RBFOX1: variants seen among roughly 807,000 people sequenced by gnomAD.
RBFOX1 encodes the protein RNA binding protein fox-1 homolog 1.
Under a neutral mutation model 57.7 loss-of-function variants are expected in RBFOX1, and 8 were observed. The observed-to-expected ratio is 0.14, with a 90% CI of 0.08 to 0.25. RBFOX1 has a LOEUF of 0.25. RBFOX1 is among the 10% of genes least tolerant of loss of function. The probability of loss-of-function intolerance (pLI) is 1.00; values close to 1 mark genes in which losing one functional copy is unlikely to be tolerated. For synonymous variants in RBFOX1, 326 were observed against 222.4 expected (o/e 1.47, Z -4.15); for missense variants, 611 against 548.5 (o/e 1.11, Z -1.14).
intron 3 of RBFOX1, among the ~76,000 whole-genome samples, chr16:6,924,720 G>A (rs566321651): frequency 1.6e-3 from 236 of 151,090 alleles, no homozygotes; most frequent in Non-Finnish European, 2.2e-3. Context: ...TAGGGTACAT[G>A]TGCACAACGT....
In RBFOX1 at chr16:7,107,006, C is replaced by T. The variant is rs866947263; in HGVS notation, c.27+54908C>T. 4.7e-3 allele frequency among the ~76,000 whole-genome samples: 707 copies of T among 151,930 alleles called. 7 individuals carry two copies. Among genetic ancestry groups the T allele is most frequent in the African/African-American group, 0.016 (675 of 41,420 alleles). On this transcript the variant is annotated intron_variant, in intron 4 of 15. Transcript: ENST00000550418. ...TAAAACACACACACACACACACACA[C>T]ACTAAATGAACAAATGCATAATTGC...
intron 1 of RBFOX1, among the ~76,000 whole-genome samples, chr16:6,103,065 C>A (rs757535602): frequency 2.0e-5 from 3 of 152,218 alleles, no homozygotes; most frequent in South Asian, 4.2e-4. Context: ...AAATATAGAT[C>A]GAAGTTGGAC....
chr16:7,651,265 G>T (rs773963660), intron 11 of RBFOX1, among the ~76,000 whole-genome samples: 1 of 152,102 alleles, frequency 6.6e-6, no homozygotes, highest in Admixed American at 6.5e-5. Context: ...CACTTTGGTC[G>T]GGTTCGGGGG....
At chr16:6,544,080 C>T (rs966096354) in intron 2 of RBFOX1, among the ~76,000 whole-genome samples, 4 of 152,166 alleles carry the variant, frequency 2.6e-5, no homozygotes, top group African/African-American at 9.7e-5. Context: ...GCCATCTGGC[C>T]CATGAGCTGT....
At chr16:7,569,624 T>G (rs12445934) in intron 5 of RBFOX1, among the ~76,000 whole-genome samples, 59,096 of 152,068 alleles carry the variant, frequency 0.39, 11,883 homozygotes, top group South Asian at 0.53. Flanking sequence ...AGATTCCAGG[T>G]ATTAGAACCT....
chr16:6,093,602 G>A (rs79375533), intron 1 of RBFOX1, among the ~76,000 whole-genome samples: 2,455 of 151,990 alleles, frequency 0.016, 27 homozygotes, highest in Non-Finnish European at 0.026. Flanking sequence ...GGCATGGGAC[G>A]GTCTGTGAAT....
chr16:7,702,011 T>C (rs1041049245), intron 14 of RBFOX1, among the ~76,000 whole-genome samples: 1 of 152,176 alleles, frequency 6.6e-6, no homozygotes, highest in Non-Finnish European at 1.5e-5. Context: ...ACCTGTTGTC[T>C]CTCCATGTAC....
intron 2 of RBFOX1, among the ~76,000 whole-genome samples, chr16:5,585,733 T>A (rs186589382): frequency 3.9e-5 from 6 of 152,372 alleles, no homozygotes; most frequent in African/African-American, 1.2e-4. Flanking sequence ...GGTGTAGACC[T>A]GGGTTTACCA....
At chr16:6,678,915 C>T (rs1403418062) in intron 3 of RBFOX1, among the ~76,000 whole-genome samples, 1 of 152,020 alleles carries the variant, frequency 6.6e-6, no homozygotes, top group Non-Finnish European at 1.5e-5. Context: ...TACATGAAGC[C>T]ATTTGGGGTG....
intron 4 of RBFOX1, among the ~76,000 whole-genome samples, chr16:7,210,197 C>A (rs2090847730): frequency 6.6e-6 from 1 of 152,196 alleles, no homozygotes; most frequent in African/African-American, 2.4e-5. Flanking sequence ...ACAAGAAACA[C>A]AACCAATAGG....
intron 1 of RBFOX1, among the ~76,000 whole-genome samples, chr16:6,222,970 G>A (rs2097386562): frequency 6.6e-6 from 1 of 150,930 alleles, no homozygotes; most frequent in South Asian, 2.1e-4. Flanking sequence ...TTGTCCTTGC[G>A]ATAGTTTACT....
At chr16:5,825,430 T>C (rs1425904850) in intron 3 of RBFOX1, among the ~76,000 whole-genome samples, 2 of 152,222 alleles carry the variant, frequency 1.3e-5, no homozygotes, top group Non-Finnish European at 2.9e-5. Flanking sequence ...AGTCACCTAC[T>C]ATAAGGTTCG....
chr16:5,685,941 G>T (rs1162543769), intron 3 of RBFOX1, among the ~76,000 whole-genome samples: 1 of 152,200 alleles, frequency 6.6e-6, no homozygotes, highest in Non-Finnish European at 1.5e-5. Context: ...TAACCTAGAT[G>T]CCACTTAATG....
intron 3 of RBFOX1, among the ~76,000 whole-genome samples, chr16:5,712,340 A>G (rs1333226992): frequency 6.6e-6 from 1 of 152,194 alleles, no homozygotes; most frequent in African/African-American, 2.4e-5. Flanking sequence ...GAGATTAGAA[A>G]TATTATATTT....
intron 3 of RBFOX1, among the ~76,000 whole-genome samples, chr16:5,788,188 A>T (rs2054572472): frequency 6.6e-6 from 1 of 152,158 alleles, no homozygotes; most frequent in South Asian, 2.1e-4. Flanking sequence ...CATCCTGAAT[A>T]TCTGCTGTTG....
intron 4 of RBFOX1, among the ~76,000 whole-genome samples, chr16:7,374,340 C>T (rs1464568736): frequency 2.0e-5 from 3 of 152,172 alleles, no homozygotes; most frequent in Non-Finnish European, 4.4e-5. Context: ...CAGATAAACA[C>T]TAAATAAATA....
chr16:5,688,300 T>A (rs543828203), intron 3 of RBFOX1, among the ~76,000 whole-genome samples: 1 of 152,322 alleles, frequency 6.6e-6, no homozygotes, highest in African/African-American at 2.4e-5. Context: ...GAAATGATCC[T>A]TAAGAAAAAA....
chr16:7,134,490 C>T (rs1156421123), intron 4 of RBFOX1, among the ~76,000 whole-genome samples: 2 of 152,128 alleles, frequency 1.3e-5, no homozygotes, highest in Admixed American at 1.3e-4. Context: ...GTCATTTGAT[C>T]GTATTGCTGT....
intron 3 of RBFOX1, among the ~76,000 whole-genome samples, chr16:6,697,410 A>G (rs2061215414): frequency 6.6e-6 from 1 of 152,190 alleles, no homozygotes; most frequent in Non-Finnish European, 1.5e-5. Context: ...CCTTCAACAT[A>G]AAAGGGAAAT....
Sources: allele counts gnomAD v4.1 joint callset (sites outside exome capture counted in the v4.1 genomes callset), GRCh38; gene constraint gnomAD v4.1.1; transcripts MANE v1.5; gene names NCBI Gene and HGNC (gene_info 2026-07-23, HGNC 2026-07-21).